RASSF5: variants seen among roughly 807,000 people sequenced by gnomAD.
RASSF5 encodes the protein ras association domain-containing protein 5.
RASSF5 carries 25 observed loss-of-function variants against 40.5 expected under a neutral mutation model. That is an observed-to-expected ratio of 0.62 (90% CI 0.45 to 0.86). The LOEUF (loss-of-function observed/expected upper bound fraction) is 0.86. Among genes scored for constraint, RASSF5 ranks in the 40% least tolerant of loss-of-function variants. The pLI, the probability that RASSF5 is intolerant of heterozygous loss-of-function variation, is 0.00. For missense variants in RASSF5, 521 were observed against 572.8 expected, an observed-to-expected ratio of 0.91 and a Z score of 0.92; for synonymous variants, 246 against 252.4, an observed-to-expected ratio of 0.97 and a Z score of 0.24.
chr1:206,541,813 C>A (rs929674638), intron 2 of RASSF5: 11 of 152,194 alleles, frequency 7.2e-5, no homozygotes, highest in African/African-American at 2.7e-4. Context: ...TATCCTGTCA[C>A]CCCTGGGAGG....
chr1:206,552,223 C>T lies in RASSF5; in HGVS notation c.579+13930C>T, dbSNP rs1186101900. 6.6e-6 allele frequency among the ~76,000 whole-genome samples: 1 copy of T among 152,230 alleles called. No homozygotes were observed. Among genetic ancestry groups the T allele is most frequent in the Non-Finnish European group, 1.5e-5 (1 of 68,040 alleles). ...TACAACAGGAAGTCATCTGGGGAGA[C>T]ACCGAGCTCTCTGCTGTACACAGCC... is the stretch of plus-strand genomic sequence containing the variant. On this transcript the variant is annotated intron_variant, in intron 2 of 5. Coordinates refer to ENST00000579436, the MANE Select transcript of RASSF5 (RefSeq NM_182663.4). The surrounding 1 kb of genome is among the most constrained non-coding windows in gnomAD (Gnocchi z 4.1).
At chr1:206,520,081 A>G (rs890674168) in intron 1 of RASSF5, among the ~76,000 whole-genome samples, 1 of 152,228 alleles carries the variant, frequency 6.6e-6, no homozygotes, top group Admixed American at 6.5e-5. Flanking sequence ...AGATTTAAGT[A>G]AAATCAATCA....
rs549644764 is a variant in RASSF5 at position 206,576,695 on chromosome 1, A to C, written c.580-6574A>C. Reference sequence around the variant, plus strand: ...TATAGACTGGAGAAATTGCATTGGGAAACTACATAGAGAAGGTGGAACTAG... The same window carrying C: ...TATAGACTGGAGAAATTGCATTGGGCAACTACATAGAGAAGGTGGAACTAG... On this transcript the variant is annotated intron_variant, in intron 2 of 5. Transcript: ENST00000579436. Among the ~76,000 whole-genome samples, 13 of 152,334 alleles carry C rather than the reference A, an allele frequency of 8.5e-5. 1 individual carries two copies. In the South Asian group the frequency reaches 2.7e-3, roughly 32 times the overall value.
intron 4 of RASSF5, 59 bp from the exon 5 acceptor site, chr1:206,585,121 G>C: frequency 7.6e-7 from 1 of 1,318,104 alleles, no homozygotes; most frequent in Non-Finnish European, 1.1e-6. Flanking sequence ...TTTCCCGCAA[G>C]CCTGGGCCCC....
intron 4 of RASSF5, 89 bp from the exon 5 acceptor site, chr1:206,585,091 C>A (rs920934574): frequency 1.1e-6 from 1 of 900,570 alleles, no homozygotes; most frequent in Non-Finnish European, 1.8e-6. Flanking sequence ...GTACGTACCC[C>A]ACCTCTGCAT....
chr1:206,587,147 G>A lies in RASSF5; in HGVS notation c.*169G>A. On this transcript the variant is annotated 3_prime_UTR_variant, in exon 6 of 6. Transcript: ENST00000579436. Reference sequence around the variant, plus strand: ...TCCATGGACAAGTGTTTGCACGAGGGTTCAGCTGTGCCCGCCCCCAGGCTG... The same window carrying A: ...TCCATGGACAAGTGTTTGCACGAGGATTCAGCTGTGCCCGCCCCCAGGCTG... The A allele has an allele frequency of 4.0e-6, 3 of 755,240 alleles. No individual in the cohort carries two copies. The highest frequency in any genetic ancestry group is 6.5e-6 in the Non-Finnish European group (3 of 459,812). 46.8% of individuals were successfully genotyped at this position (755,240 alleles called of 1,614,324 possible).
rs146812116 is a variant in RASSF5, at chr1:206,525,075, T to C, written c.458-13097T>C. Among the ~76,000 whole-genome samples the C allele has an allele frequency of 5.9e-5, 9 of 152,202 alleles. No individual in the cohort carries two copies. In the East Asian group the frequency reaches 1.7e-3, roughly 29 times the overall value. ...TGTTGTGAACTATCCTGCCCTCTCT[T>C]CCTCTGCCCACTCCTCCCAAGACAC... On this transcript the variant is annotated intron_variant, in intron 1 of 5. Coordinates refer to ENST00000579436, the MANE Select transcript of RASSF5 (RefSeq NM_182663.4).
At position 206,552,477 on chromosome 1, in the gene RASSF5, T is replaced by C. The variant is rs555483493; in HGVS notation, c.579+14184T>C. Among the ~76,000 whole-genome samples the C allele has an allele frequency of 6.6e-6, 1 of 152,290 alleles. No homozygotes were observed. Among genetic ancestry groups the C allele is most frequent in the East Asian group, 1.9e-4 (1 of 5,182 alleles). ...AAGAGGGAAGGGTGGCTTCTGGGAA[T>C]GTGGATCGAATTTTGTGCAGCTGTA... On this transcript the variant is annotated intron_variant, in intron 2 of 5. Coordinates refer to ENST00000579436, the MANE Select transcript of RASSF5 (RefSeq NM_182663.4). This position sits in a 1 kb window ranked among gnomAD's most constrained non-coding sequence, Gnocchi z 4.1.
rs1667867989 is a variant in RASSF5, at chr1:206,552,551, G to C, written c.579+14258G>C. On this transcript the variant is annotated intron_variant, in intron 2 of 5. Coordinates refer to ENST00000579436, the MANE Select transcript of RASSF5 (RefSeq NM_182663.4). This position sits in a 1 kb window ranked among gnomAD's most constrained non-coding sequence, Gnocchi z 4.1. ...GGAGATGGGTGTGAACTGTTGGCTG[G>C]GTGTGCACCGTGAAGGGTCTTGAAG... is the stretch of plus-strand genomic sequence containing the variant. Among the ~76,000 whole-genome samples, 1 of 152,166 alleles carries C rather than the reference G, an allele frequency of 6.6e-6. No homozygotes were observed. Among genetic ancestry groups the C allele is most frequent in the Non-Finnish European group, 1.5e-5 (1 of 68,030 alleles).
intron 2 of RASSF5, chr1:206,557,715 A>C: frequency 1.2e-6 from 2 of 1,613,122 alleles, no homozygotes; most frequent in Non-Finnish European, 1.7e-6. Context: ...AATGGAATGC[A>C]GGAGCCTTTC....
At chr1:206,537,409 C>G (rs1667444221) in intron 1 of RASSF5, among the ~76,000 whole-genome samples, 1 of 152,214 alleles carries the variant, frequency 6.6e-6, no homozygotes, top group Non-Finnish European at 1.5e-5. Context: ...GGTAACAGCA[C>G]TTCCTGCTGA....
At chr1:206,571,934 C>A (rs1668467439) in intron 2 of RASSF5, among the ~76,000 whole-genome samples, 1 of 152,170 alleles carries the variant, frequency 6.6e-6, no homozygotes, top group Non-Finnish European at 1.5e-5. Context: ...TTGAGTGTCA[C>A]CCTCTTCTGT....
At chr1:206,583,622 C>T (rs1260317108) in intron 3 of RASSF5, 5 of 486,546 alleles carry the variant, frequency 1.0e-5, no homozygotes, top group African/African-American at 9.8e-5. Flanking sequence ...TCTTTTAACT[C>T]CTCCTCTGAG....
chr1:206,563,470 C>T (rs577926028), intron 2 of RASSF5, among the ~76,000 whole-genome samples: 13 of 152,200 alleles, frequency 8.5e-5, no homozygotes, highest in East Asian at 3.9e-4. Flanking sequence ...CTCTTGAGGA[C>T]GGGTGCTTTT....
intron 1 of RASSF5, among the ~76,000 whole-genome samples, chr1:206,522,164 G>A (rs899716404): frequency 1.3e-5 from 2 of 152,038 alleles, no homozygotes; most frequent in Admixed American, 1.3e-4. Context: ...GTCACACACA[G>A]TCTTGGTTGT....
chr1:206,549,391 C>T (rs1365969413), intron 2 of RASSF5, among the ~76,000 whole-genome samples: 1 of 152,172 alleles, frequency 6.6e-6, no homozygotes, highest in Admixed American at 6.5e-5. Flanking sequence ...CTCTGGGCTC[C>T]TCACAGCCTA....
rs1362413881 is a variant in RASSF5, at chr1:206,560,701, T to C, written c.579+22408T>C. On this transcript the variant is annotated intron_variant, in intron 2 of 5. Transcript: ENST00000579436. The surrounding 1 kb of genome is among the most constrained non-coding windows in gnomAD (Gnocchi z 5.1). ...TTGGGCAGTGCAGACGTAGATGGTC[T>C]CAGTAAGACCATCATAGTTACCTCA... Among the ~76,000 whole-genome samples the C allele has an allele frequency of 6.6e-6, 1 of 152,172 alleles. No homozygotes were observed. The highest frequency in any genetic ancestry group is 1.5e-5 in the Non-Finnish European group (1 of 68,022).
chr1:206,537,818 G>T (rs1667456267), intron 1 of RASSF5, among the ~76,000 whole-genome samples: 1 of 152,200 alleles, frequency 6.6e-6, no homozygotes, highest in Admixed American at 6.5e-5. Context: ...GGTGATTAAT[G>T]TAAAGTGGTA....
chr1:206,524,439 T>TAATATATTTTCTATATATTATATATATA (rs1667030489), intron 1 of RASSF5, among the ~76,000 whole-genome samples: 3 of 141,046 alleles, frequency 2.1e-5, no homozygotes, highest in Non-Finnish European at 4.6e-5. Flanking sequence ...ATACCATATA[T>TAATATATTTTCTATATATTATATATATA]AATATATTTT....
Sources: gnomAD v4.1 joint callset for allele counts (sites outside exome capture counted in the v4.1 genomes callset) on GRCh38, gnomAD v4.1.1 for gene constraint, Gnocchi (gnomAD v3.1) non-coding constraint, MANE v1.5 for transcripts, NCBI Gene and HGNC (gene_info 2026-07-23, HGNC 2026-07-21) for gene names.